Variants in PTPN3 observed in about 807,000 individuals in gnomAD.
PTPN3 encodes the protein tyrosine-protein phosphatase non-receptor type 3.
A neutral mutation model predicts 132.7 loss-of-function variants in PTPN3; 96 were observed. That is an observed-to-expected ratio of 0.72 (90% CI 0.61 to 0.86). PTPN3 has a LOEUF of 0.86. Among genes scored for constraint, PTPN3 ranks in the 40% least tolerant of loss-of-function variants. PTPN3 has a pLI of 0.00. For synonymous variants in PTPN3, 398 were observed against 429.0 expected (o/e 0.93, Z 0.89); for missense variants, 1,125 against 1,159.6 (o/e 0.97, Z 0.43).
chr9:109,391,384 C>T lies in PTPN3; in HGVS notation c.2044+87G>A, dbSNP rs748885663. 1.8e-4 allele frequency: 254 copies of T among 1,420,998 alleles called. 1 individual carries two copies. The highest frequency in any genetic ancestry group is 8.4e-4 in the South Asian group (67 of 79,694). The allele number at this position is 1,420,998 out of a possible 1,614,324, so 88.0% of individuals were successfully genotyped here. A position where few individuals can be genotyped will look rare whatever the true frequency, so the allele number is the denominator to read the frequency against. Reference sequence around the variant, plus strand: ...TGGTGTTTACAGACACACTGAAAATCGTTCCAGAATACCAGACAATCTGTT... The same window carrying T: ...TGGTGTTTACAGACACACTGAAAATTGTTCCAGAATACCAGACAATCTGTT... On this transcript the variant is annotated intron_variant, in intron 20 of 25. Transcript: ENST00000374541.
chr9:109,414,439 G>A (rs1050341366), intron 14 of PTPN3, among the ~76,000 whole-genome samples: 1 of 152,182 alleles, frequency 6.6e-6, no homozygotes, highest in Non-Finnish European at 1.5e-5. Context: ...TTCACCCAGA[G>A]GGCACAGTTT....
At chr9:109,530,272 C>G in the PTPN3 span, among the ~76,000 whole-genome samples, 1 of 152,186 alleles carries the variant, frequency 6.6e-6, no homozygotes, top group Non-Finnish European at 1.5e-5. Context: ...TGGCAACCAC[C>G]ATTCTATCTT....
intron 1 of PTPN3, among the ~76,000 whole-genome samples, chr9:109,471,992 C>T (rs1479602983): frequency 6.6e-6 from 1 of 152,184 alleles, no homozygotes; most frequent in East Asian, 1.9e-4. Context: ...GTCTACATTA[C>T]AAGTCACCTC....
chr9:109,408,458 G>C, intron 16 of PTPN3, 81 bp from the exon 17 acceptor site: 1 of 1,055,044 alleles, frequency 9.5e-7, no homozygotes, highest in South Asian at 1.5e-5. Context: ...GTAGCTCACA[G>C]CATCAACAAC....
chr9:109,422,400 T>G (rs111850045), intron 13 of PTPN3, among the ~76,000 whole-genome samples: 1 of 152,252 alleles, frequency 6.6e-6, no homozygotes, highest in Non-Finnish European at 1.5e-5. Flanking sequence ...AACCGTACTT[T>G]TTTATTATTG....
intron 14 of PTPN3, among the ~76,000 whole-genome samples, chr9:109,413,499 G>A (rs1842238508): frequency 1.3e-5 from 2 of 152,244 alleles, no homozygotes; most frequent in African/African-American, 4.8e-5. Flanking sequence ...AAGCCCTAGT[G>A]CCTCCTCTGT....
At chr9:109,430,705 C>G (rs567605994) in intron 10 of PTPN3, among the ~76,000 whole-genome samples, 2 of 152,208 alleles carry the variant, frequency 1.3e-5, no homozygotes, top group Non-Finnish European at 2.9e-5. Flanking sequence ...ATCACTGTAA[C>G]TGTGAGCACT....
Position 109,389,237 on chromosome 9 carries a change from C to T in PTPN3, c.2249G>A (p.Gly750Glu). The T allele has an allele frequency of 6.2e-7, 1 of 1,614,130 alleles. No individual in the cohort carries two copies. Among genetic ancestry groups the T allele is most frequent in the Non-Finnish European group, 8.5e-7 (1 of 1,179,988 alleles). ...ATTAGAAATCAAGCTACTTACCCGC[C>T]CTCGTTCTGTGAGAGTCGTCAACAT... The part of the protein sequence containing the change: ...IVMLTTLTER[G>E]RTKCHQYWPD... The change falls in exon 22 of 26, where the codon GGG becomes GAG. Residue 750 changes from glycine to glutamate, a missense_variant. Gly to Glu is a moderately conservative substitution (Grantham distance 98). Transcript: ENST00000374541.
chr9:109,479,193 C>A (rs950969829), intron 1 of PTPN3, among the ~76,000 whole-genome samples: 1 of 152,142 alleles, frequency 6.6e-6, no homozygotes, highest in Non-Finnish European at 1.5e-5. Context: ...ACTCCCCATT[C>A]ACCCCTCCTC....
chr9:109,427,299 G>A (rs1051789021), intron 11 of PTPN3, among the ~76,000 whole-genome samples, 177 bp from the exon 12 acceptor site: 12 of 152,190 alleles, frequency 7.9e-5, no homozygotes, highest in African/African-American at 2.2e-4. Context: ...TTTGTTAACC[G>A]TCTTTATGAA....
In PTPN3 at chr9:109,445,294, T is replaced by C; in HGVS notation, c.414-2A>G. 1 of 1,612,692 alleles carries C rather than the reference T, an allele frequency of 6.2e-7. No individual in the cohort carries two copies. The highest frequency in any genetic ancestry group is 8.5e-7 in the Non-Finnish European group (1 of 1,178,682). ...GCTGAGTTAAGAGGGCAGGTTAACCTGTCAGGAGAAAAACATATTAGCAAA... is the reference window on the plus strand; with the variant it reads ...GCTGAGTTAAGAGGGCAGGTTAACCCGTCAGGAGAAAAACATATTAGCAAA... On this transcript the variant is annotated splice_acceptor_variant, in intron 6 of 25. Coordinates refer to ENST00000374541, the MANE Select transcript of PTPN3 (RefSeq NM_002829.4). LOFTEE classifies it high-confidence loss of function.
intron 17 of PTPN3, among the ~76,000 whole-genome samples, chr9:109,407,113 A>C (rs893107369): frequency 6.6e-6 from 1 of 152,262 alleles, no homozygotes; most frequent in Non-Finnish European, 1.5e-5. Context: ...AACTGTAAAC[A>C]GTAACAAAAG....
chr9:109,451,406 G>A, intron 5 of PTPN3: 5 of 956,344 alleles, frequency 5.2e-6, no homozygotes, highest in Non-Finnish European at 6.2e-6. Context: ...GGTGGGGGTG[G>A]GGTGTCAGTT....
chr9:109,485,633 T>G (rs2132111324), intron 1 of PTPN3, among the ~76,000 whole-genome samples: 1 of 152,332 alleles, frequency 6.6e-6, no homozygotes, highest in African/African-American at 2.4e-5. Context: ...AGAGCTCCCC[T>G]TCCCCGCCCA....
At chr9:109,418,131 C>CT (rs1360897731) in intron 14 of PTPN3, among the ~76,000 whole-genome samples, 1 of 152,180 alleles carries the variant, frequency 6.6e-6, no homozygotes, top group African/African-American at 2.4e-5. Flanking sequence ...GTACTGTTCC[C>CT]TAAGCCCCCC....
At chr9:109,468,970 A>G (rs576633842) in intron 1 of PTPN3, among the ~76,000 whole-genome samples, 1 of 152,380 alleles carries the variant, frequency 6.6e-6, no homozygotes, top group South Asian at 2.1e-4. Context: ...TAATAAAGAC[A>G]GCTTGCTAGA....
At chr9:109,387,382 T>C (rs1049544909) in intron 22 of PTPN3, among the ~76,000 whole-genome samples, 5 of 152,228 alleles carry the variant, frequency 3.3e-5, no homozygotes, top group East Asian at 1.9e-4. Context: ...AGGGGGATTA[T>C]AGAGCTTTGT....
chr9:109,417,381 T>C (rs1246175478), intron 14 of PTPN3, among the ~76,000 whole-genome samples: 2 of 152,224 alleles, frequency 1.3e-5, no homozygotes, highest in Non-Finnish European at 2.9e-5. Context: ...ATTCTTCTTC[T>C]TAAAAGGAAC....
At chr9:109,478,850 C>T (rs56279802) in intron 1 of PTPN3, among the ~76,000 whole-genome samples, 40,738 of 152,066 alleles carry the variant, frequency 0.27, 5,742 homozygotes, top group South Asian at 0.42. Flanking sequence ...GACCAGGCTT[C>T]GCCCATGAGG....
Sources: allele counts gnomAD v4.1 joint callset (sites outside exome capture counted in the v4.1 genomes callset), GRCh38; gene constraint gnomAD v4.1.1; transcripts MANE v1.5; gene names NCBI Gene and HGNC (gene_info 2026-07-23, HGNC 2026-07-21).